Variants in F10 observed in about 807,000 individuals in gnomAD.
F10 encodes the protein coagulation factor X.
In F10, 29 loss-of-function variants were observed where a neutral mutation model predicts 37.1. The observed-to-expected ratio is 0.78, with a 90% CI of 0.58 to 1.07. The LOEUF is 1.07. F10 is among the 50% of genes least tolerant of loss of function. The pLI, the probability that F10 is intolerant of heterozygous loss-of-function variation, is 0.00. For missense variants in F10, 539 were observed against 667.9 expected, an observed-to-expected ratio of 0.81 and a Z score of 2.13; for synonymous variants, 262 against 268.6, an observed-to-expected ratio of 0.98 and a Z score of 0.24.
In F10 at chr13:113,143,700, CG is replaced by C; in HGVS notation, c.503-150del. The C allele has an allele frequency of 3.7e-4, 426 of 1,143,528 alleles. No homozygotes were observed. The highest frequency in any genetic ancestry group is 1.8e-3 in the Admixed American group (74 of 40,536). 70.8% of individuals were successfully genotyped at this position (1,143,528 alleles called of 1,614,324 possible). A position where few individuals can be genotyped will look rare whatever the true frequency, so the allele number is the denominator to read the frequency against. ...CTGCAGATCCGACCCCTGCCGACGA[CG>C]TGGGGCCTCGCCCTGCAAGCCCGCT... On this transcript the variant is annotated intron_variant, in intron 5 of 7. Coordinates refer to ENST00000375559, the MANE Select transcript of F10 (RefSeq NM_000504.4). This position sits in a 1 kb window ranked among gnomAD's most constrained non-coding sequence, Gnocchi z 6.8.
Position 113,148,358 on chromosome 13 carries a change from ATATATGTATATATATATGTG to A in F10, c.866-552_866-533del, listed in dbSNP as rs1342392287. On this transcript the variant is annotated intron_variant, in intron 7 of 7. Transcript: ENST00000375559. ...AAAAAAAAAAAAAATATATATATAT[ATATATGTATATATATATGTG>A]TATATATATATACATATATATACAC... is the stretch of plus-strand genomic sequence containing the variant. 5.9e-4 allele frequency among the ~76,000 whole-genome samples: 59 copies of A among 99,184 alleles called. No homozygotes were observed. In the East Asian group the frequency reaches 0.017, roughly 29 times the overall value. The allele number at this position is 99,184 out of a possible 152,430, so 65.1% of individuals were successfully genotyped here. A position where few individuals can be genotyped will look rare whatever the true frequency, so the allele number is the denominator to read the frequency against.
At chr13:113,145,042 C>G (rs1234765674) in intron 6 of F10, among the ~76,000 whole-genome samples, 1 of 152,158 alleles carries the variant, frequency 6.6e-6, no homozygotes, top group East Asian at 1.9e-4. Context: ...CCACGCCCAG[C>G]TAATTTTTTT....
chr13:113,143,739 G>A lies in F10; in HGVS notation c.503-112G>A. ...CTGCAAGCCCGCTGCCCCTCCGGGT[G>A]CCCCTGCGCTCTGCCTCCCGGCTCT... On this transcript the variant is annotated intron_variant, in intron 5 of 7. Transcript: ENST00000375559. The surrounding 1 kb of genome is among the most constrained non-coding windows in gnomAD (Gnocchi z 6.8). 6.8e-7 allele frequency: 1 copy of A among 1,475,410 alleles called. No individual in the cohort carries two copies. The highest frequency in any genetic ancestry group is 1.3e-5 in the South Asian group (1 of 78,318). The allele number at this position is 1,475,410 out of a possible 1,614,324, so 91.4% of individuals were successfully genotyped here.
In F10 at chr13:113,139,987, G is replaced by A. The variant is rs7337258; in HGVS notation, c.370+517G>A. Among the ~76,000 whole-genome samples the A allele has an allele frequency of 0.017, 2,566 of 151,520 alleles. 64 individuals carry two copies. The highest frequency in any genetic ancestry group is 0.057 in the African/African-American group (2,344 of 41,382). ...GTGCTTTCTCTAATGTGGTGATTAA[G>A]TTTTAAATAAAAAGTTAGGCTACTG... On this transcript the variant is annotated intron_variant, in intron 4 of 7. Transcript: ENST00000375559. The surrounding 1 kb of genome is among the most constrained non-coding windows in gnomAD (Gnocchi z 5.2).
chr13:113,128,987 T>G lies in F10; in HGVS notation c.71-465T>G, dbSNP rs940840560. ...CTACAGAATGTGGATTTCCCTGAGA[T>G]AGCTTTGCAGGGCCATTTCAAAATA... On this transcript the variant is annotated intron_variant, in intron 1 of 7. Coordinates refer to ENST00000375559, the MANE Select transcript of F10 (RefSeq NM_000504.4). 2.7e-5 allele frequency: 5 copies of G among 188,570 alleles called. No homozygotes were observed. The East Asian group carries it at 7.1e-4, about 27-fold the overall frequency. 11.7% of individuals were successfully genotyped at this position (188,570 alleles called of 1,614,324 possible). A position where few individuals can be genotyped will look rare whatever the true frequency, so the allele number is the denominator to read the frequency against.
At chr13:113,140,759 C>A (rs1408529419) in intron 4 of F10, 160 bp from the exon 5 acceptor site, 4 of 1,053,652 alleles carry the variant, frequency 3.8e-6, no homozygotes, top group Non-Finnish European at 5.8e-6. Context: ...CGTGAGGTTG[C>A]CCTTCAAGGC....
chr13:113,123,256 G>A (rs2036337287), intron 1 of F10, among the ~76,000 whole-genome samples: 2 of 152,170 alleles, frequency 1.3e-5, no homozygotes, highest in Admixed American at 1.3e-4. Flanking sequence ...TAGAAAGACG[G>A]AGACAGAGAG....
chr13:113,131,163 G>A (rs952661311), intron 2 of F10: 2 of 152,218 alleles, frequency 1.3e-5, no homozygotes, highest in Admixed American at 1.3e-4. Flanking sequence ...GGTAGCAGGG[G>A]CTAAGCCTTT....
At chr13:113,132,561 C>G (rs2036444181) in intron 2 of F10, among the ~76,000 whole-genome samples, 1 of 152,198 alleles carries the variant, frequency 6.6e-6, no homozygotes, top group Non-Finnish European at 1.5e-5. Flanking sequence ...ATGAAGAAAT[C>G]ACATTCCACA....
Position 113,139,445 on chromosome 13 carries a change from A to T in F10, c.345A>T (p.Gly115=). 1 of 1,613,970 alleles carries T rather than the reference A, an allele frequency of 6.2e-7. No homozygotes were observed. Among genetic ancestry groups the T allele is most frequent in the Non-Finnish European group, 8.5e-7 (1 of 1,179,890 alleles). Residue 115 remains glycine, a synonymous_variant, in exon 4 of 8, where the codon GGA becomes GGT. Coordinates refer to ENST00000375559, the MANE Select transcript of F10 (RefSeq NM_000504.4). This position sits in a 1 kb window ranked among gnomAD's most constrained non-coding sequence, Gnocchi z 5.2. ...LGEYTCTCLE[G]FEGKNCELFT... ...AATACACCTGCACCTGTTTAGAAGG[A>T]TTCGAAGGCAAAAACTGTGAATTAT...
chr13:113,143,702 T>TTAGA lies in F10; in HGVS notation c.503-149_503-148insTAGA. On this transcript the variant is annotated intron_variant, in intron 5 of 7. Transcript: ENST00000375559. The surrounding 1 kb of genome is among the most constrained non-coding windows in gnomAD (Gnocchi z 6.8). ...GCAGATCCGACCCCTGCCGACGACG[T>TTAGA]GGGGCCTCGCCCTGCAAGCCCGCTG... 24 of 1,153,556 alleles carry TTAGA rather than the reference T, an allele frequency of 2.1e-5. No individual in the cohort carries two copies. The highest frequency in any genetic ancestry group is 1.5e-4 in the Admixed American group (6 of 41,006). 71.5% of individuals were successfully genotyped at this position (1,153,556 alleles called of 1,614,324 possible).
chr13:113,135,244 C>CAA (rs763603448), intron 2 of F10, among the ~76,000 whole-genome samples: 58 of 114,826 alleles, frequency 5.1e-4, no homozygotes, highest in African/African-American at 1.6e-3. Flanking sequence ...ACTCTGTCTC[C>CAA]AAAAAAAAAA....
chr13:113,140,070 CA>C (rs1449379722), intron 4 of F10, among the ~76,000 whole-genome samples: 5 of 124,602 alleles, frequency 4.0e-5, no homozygotes, highest in African/African-American at 5.4e-5. Context: ...CTTAATTGAT[CA>C]TCTTTTTTTT....
Position 113,123,084 on chromosome 13 carries a change from G to A in F10, c.70+159G>A, listed in dbSNP as rs148901012. Among the ~76,000 whole-genome samples, 482 of 152,316 alleles carry A rather than the reference G, an allele frequency of 3.2e-3. 1 individual carries two copies. Among genetic ancestry groups the A allele is most frequent in the African/African-American group, 0.011 (453 of 41,562 alleles). ...GCTGGGCTTGGCCTTTCCAGCCAAC[G>A]GCATCCTCAAGGCCAGCTGTGGCTC... On this transcript the variant is annotated intron_variant, in intron 1 of 7. Coordinates refer to ENST00000375559, the MANE Select transcript of F10 (RefSeq NM_000504.4).
intron 6 of F10, 104 bp from the exon 7 acceptor site, chr13:113,147,275 T>G: frequency 2.5e-6 from 2 of 784,344 alleles, no homozygotes; most frequent in South Asian, 2.8e-5. Context: ...GAGGACAGCT[T>G]GGCATGGGGA....
chr13:113,132,651 C>T (rs3211750), intron 2 of F10, among the ~76,000 whole-genome samples: 3,898 of 152,294 alleles, frequency 0.026, 170 homozygotes, highest in African/African-American at 0.088. Context: ...AAAAGTAAAT[C>T]GCAGTGTATT....
Position 113,146,429 on chromosome 13 carries a change from G to T in F10, c.748-950G>T, listed in dbSNP as rs920411263. On this transcript the variant is annotated intron_variant, in intron 6 of 7. Transcript: ENST00000375559. The surrounding 1 kb of genome is among the most constrained non-coding windows in gnomAD (Gnocchi z 4.5). The stretch of plus-strand genomic sequence containing the variant: ...TTTTGGAGGGGTTCCTGGGCTGGGG[G>T]ACCAGGGTGGGGCGCCCTGGAGGGC... Among the ~76,000 whole-genome samples, 2 of 152,126 alleles carry T rather than the reference G, an allele frequency of 1.3e-5. No individual in the cohort carries two copies. Among genetic ancestry groups the T allele is most frequent in the Non-Finnish European group, 2.9e-5 (2 of 68,020 alleles).
At position 113,148,330 on chromosome 13, in the gene F10, C is replaced by CAAAA. The variant is rs780002275; in HGVS notation, c.866-573_866-570dup. ...CGGGCAACAGAGCAAAACTCTGTCT[C>CAAAA]AAAAAAAAAAAAAAAATATATATAT... is the stretch of plus-strand genomic sequence containing the variant. On this transcript the variant is annotated intron_variant, in intron 7 of 7. Transcript: ENST00000375559. Among the ~76,000 whole-genome samples the CAAAA allele has an allele frequency of 3.0e-3, 276 of 90,828 alleles. 1 individual carries two copies. The highest frequency in any genetic ancestry group is 9.2e-3 in the African/African-American group (229 of 24,840). 59.6% of individuals were successfully genotyped at this position (90,828 alleles called of 152,430 possible). A position where few individuals can be genotyped will look rare whatever the true frequency, so the allele number is the denominator to read the frequency against.
intron 2 of F10, among the ~76,000 whole-genome samples, chr13:113,135,730 T>G (rs2036472724): frequency 1.3e-5 from 2 of 152,102 alleles, no homozygotes; most frequent in African/African-American, 2.4e-5. Flanking sequence ...ACTTCACAAT[T>G]ATACAAAAAT....
Sources: gnomAD v4.1 joint callset for allele counts (sites outside exome capture counted in the v4.1 genomes callset) on GRCh38, gnomAD v4.1.1 for gene constraint, Gnocchi (gnomAD v3.1) non-coding constraint, MANE v1.5 for transcripts, NCBI Gene and HGNC (gene_info 2026-07-23, HGNC 2026-07-21) for gene names.